Variants in CNGA1 observed in about 807,000 individuals in gnomAD.
CNGA1 encodes the protein cyclic nucleotide-gated channel alpha-1.
Under a neutral mutation model 69.7 loss-of-function variants are expected in CNGA1, and 53 were observed. That is an observed-to-expected ratio of 0.76 (90% CI 0.61 to 0.96). The LOEUF is 0.96. Ranked by LOEUF, CNGA1 falls within the 40% of genes least tolerant of loss-of-function variation. The pLI, the probability that CNGA1 is intolerant of heterozygous loss-of-function variation, is 0.00. For synonymous variants in CNGA1, 249 were observed against 283.5 expected, an observed-to-expected ratio of 0.88 and a Z score of 1.22; for missense variants, 739 against 811.2, an observed-to-expected ratio of 0.91 and a Z score of 1.08.
At chr4:47,992,844 T>A (rs1334470622) in intron 2 of CNGA1, among the ~76,000 whole-genome samples, 2 of 152,078 alleles carry the variant, frequency 1.3e-5, no homozygotes, top group Admixed American at 6.6e-5. Context: ...AGATGGCTTT[T>A]ATTACATTGA....
chr4:47,950,219 T>TA (rs1739659192), intron 5 of CNGA1, among the ~76,000 whole-genome samples: 1 of 152,172 alleles, frequency 6.6e-6, no homozygotes, highest in Non-Finnish European at 1.5e-5. Flanking sequence ...TGGGAAGTAA[T>TA]TGAATCATAG....
chr4:47,940,354 T>C (rs1434840551), intron 10 of CNGA1, among the ~76,000 whole-genome samples: 1 of 152,260 alleles, frequency 6.6e-6, no homozygotes, highest in Non-Finnish European at 1.5e-5. Context: ...AGCTGAGTTA[T>C]GTGCATTTTT....
At chr4:47,962,439 G>A (rs746525262) in intron 3 of CNGA1, among the ~76,000 whole-genome samples, 3 of 151,510 alleles carry the variant, frequency 2.0e-5, no homozygotes, top group East Asian at 1.9e-4. Flanking sequence ...AAAAGTATAC[G>A]TTTTTAGTGA....
At position 47,937,006 on chromosome 4, in the gene CNGA1, T is replaced by C. The variant is rs780623075; in HGVS notation, c.1476A>G (p.Gln492=). Residue 492 remains glutamine (Q), a synonymous_variant, in exon 11 of 11, where the codon CAA becomes CAG. Transcript: ENST00000514170. ...AATCTCCAGGACTGTAGACTTGGGG[T>C]TGCAATTTCAAGACCAACTCCACCA... ...GLLVELVLKL[Q]PQVYSPGDYI... 6.2e-6 allele frequency: 10 copies of C among 1,613,956 alleles called. No individual in the cohort carries two copies. In the African/African-American group the frequency reaches 1.1e-4, roughly 17 times the overall value.
chr4:47,937,911 T>G, intron 10 of CNGA1, 82 bp from the exon 11 acceptor site: 10 of 1,041,286 alleles, frequency 9.6e-6, no homozygotes, highest in Non-Finnish European at 1.5e-5. Flanking sequence ...CAATTAACTT[T>G]GTTGAGGTCA....
chr4:48,010,672 G>GGT (rs1715114396), intron 2 of CNGA1, 122 bp downstream of exon 2: 1 of 153,560 alleles, frequency 6.5e-6, no homozygotes, highest in Non-Finnish European at 1.4e-5. Flanking sequence ...AGAACCCAGT[G>GGT]ACTAGTGTTC....
At position 47,937,657 on chromosome 4, in the gene CNGA1, A is replaced by G; in HGVS notation, c.825T>C (p.Ser275=). Residue 275 remains serine, a synonymous_variant, in exon 11 of 11, where the codon TCT becomes TCC. Coordinates refer to ENST00000514170, the MANE Select transcript of CNGA1 (RefSeq NM_001379270.1). ...TTCTCTGGAAGAACTCAAACATACG[A>G]GAGAACCGTAACAACCTGTTTAATC... ...EIRLNRLLRF[S]RMFEFFQRTE... is the part of the protein sequence containing the mutation. 1 of 1,614,150 alleles carries G rather than the reference A, an allele frequency of 6.2e-7. No homozygotes were observed.
rs7693648 is a variant in CNGA1 at position 47,971,093 on chromosome 4, G to A, written c.-15+10300C>T. 0.58 allele frequency: 259,547 copies of A among 449,888 alleles called. 78,278 individuals carry two copies. The highest frequency in any genetic ancestry group is 0.64 in the Non-Finnish European group (143,776 of 225,030). 27.9% of individuals were successfully genotyped at this position (449,888 alleles called of 1,614,324 possible). ...GCACTCCAGCCTGGGCGAAGAGCGA[G>A]ACTCCATCTAAAAAAAAAAAATACA... On this transcript the variant is annotated intron_variant, in intron 3 of 10. Coordinates refer to ENST00000514170, the MANE Select transcript of CNGA1 (RefSeq NM_001379270.1).
chr4:47,973,440 G>A (rs1741156479), intron 3 of CNGA1, among the ~76,000 whole-genome samples: 1 of 152,114 alleles, frequency 6.6e-6, no homozygotes, highest in African/African-American at 2.4e-5. Context: ...ACACACCACT[G>A]AGGTATTACT....
chr4:47,983,147 A>T (rs1741811146), intron 2 of CNGA1, among the ~76,000 whole-genome samples: 1 of 152,192 alleles, frequency 6.6e-6, no homozygotes, highest in Non-Finnish European at 1.5e-5. Flanking sequence ...CTCTGTGATT[A>T]GTGTTTACTT....
At chr4:47,982,849 G>A (rs150061435) in intron 2 of CNGA1, among the ~76,000 whole-genome samples, 2 of 152,114 alleles carry the variant, frequency 1.3e-5, no homozygotes, top group Non-Finnish European at 2.9e-5. Context: ...CTTTCGCCCA[G>A]GCTGGAGTGC....
intron 3 of CNGA1, among the ~76,000 whole-genome samples, chr4:47,953,886 C>T (rs2110162783): frequency 6.6e-6 from 1 of 152,180 alleles, no homozygotes; most frequent in South Asian, 2.1e-4. Flanking sequence ...GCGAGGGCTC[C>T]ACACTCGGGC....
chr4:47,962,900 C>G (rs2110181332), intron 3 of CNGA1, among the ~76,000 whole-genome samples: 1 of 152,032 alleles, frequency 6.6e-6, no homozygotes, highest in South Asian at 2.1e-4. Context: ...TTTAAGCAAA[C>G]AACACTAATT....
At chr4:47,969,277 G>T (rs145083132) in intron 3 of CNGA1, among the ~76,000 whole-genome samples, 25 of 151,802 alleles carry the variant, frequency 1.6e-4, no homozygotes, top group Middle Eastern at 3.4e-3. Context: ...TAGCCACACT[G>T]GTCCCTTCAC....
intron 6 of CNGA1, among the ~76,000 whole-genome samples, chr4:47,946,766 G>A (rs998762274): frequency 8.4e-5 from 8 of 95,108 alleles, no homozygotes; most frequent in Admixed American, 1.2e-4. Flanking sequence ...AGTACCCTTC[G>A]TCTTTTTCTT....
intron 2 of CNGA1, among the ~76,000 whole-genome samples, chr4:47,982,036 G>C (rs1741740550): frequency 6.6e-6 from 1 of 152,148 alleles, no homozygotes; most frequent in African/African-American, 2.4e-5. Context: ...ATAAAGCTGA[G>C]CTTGCCTGAA....
chr4:48,004,354 A>G lies in CNGA1; in HGVS notation c.-123+6440T>C, dbSNP rs560693965. ...CGCGTCTTTGTGGTAGTGGTCCCCC[A>G]GGCCCAGCTGTCTTTTTTTAATCTC... On this transcript the variant is annotated intron_variant, in intron 2 of 10. Transcript: ENST00000514170. Among the ~76,000 whole-genome samples, 41 of 152,210 alleles carry G rather than the reference A, an allele frequency of 2.7e-4. No homozygotes were observed. In the East Asian group the frequency reaches 7.5e-3, roughly 28 times the overall value.
chr4:48,015,802 T>C (rs914581181), intron 1 of CNGA1, among the ~76,000 whole-genome samples: 1 of 152,188 alleles, frequency 6.6e-6, no homozygotes, highest in Non-Finnish European at 1.5e-5. Flanking sequence ...TTCACCATGA[T>C]GCCCAGGCTA....
chr4:47,955,138 A>G (rs1739990484), intron 3 of CNGA1, among the ~76,000 whole-genome samples: 1 of 151,066 alleles, frequency 6.6e-6, no homozygotes, highest in Admixed American at 6.6e-5. Flanking sequence ...TTGGAATCCA[A>G]TAAAATTTCT....
Sources: allele counts gnomAD v4.1 joint callset (sites outside exome capture counted in the v4.1 genomes callset), GRCh38; gene constraint gnomAD v4.1.1; transcripts MANE v1.5; gene names NCBI Gene and HGNC (gene_info 2026-07-23, HGNC 2026-07-21).